The following SYMPK variants were observed in gnomAD, a reference collection of about 807,000 sequenced individuals.
SYMPK encodes symplekin scaffold protein, also known as symplekin.
In SYMPK, 49 loss-of-function variants were observed where a neutral mutation model predicts 136.4. That is an observed-to-expected ratio of 0.36 (90% confidence interval 0.29 to 0.46). The LOEUF (loss-of-function observed/expected upper bound fraction) is 0.46. Ranked by LOEUF, SYMPK falls within the 20% of genes least tolerant of loss-of-function variation. The pLI is 1.00. For synonymous variants in SYMPK, 766 were observed against 713.0 expected, an observed-to-expected ratio of 1.07 and a Z score of -1.19; for missense variants, 1,365 against 1,690.0, an observed-to-expected ratio of 0.81 and a Z score of 3.37.
chr19:45,817,036 A>G, intron 23 of SYMPK, 62 bp from the exon 24 acceptor site: 1 of 1,501,428 alleles, frequency 6.7e-7, no homozygotes, highest in Non-Finnish European at 9.0e-7. Flanking sequence ...GAGCCTTGAC[A>G]CTGGGAGAAA....
Position 45,826,314 on chromosome 19 carries a change from C to T in SYMPK, c.2241G>A (p.Glu747=). The T allele has an allele frequency of 1.2e-6, 2 of 1,614,130 alleles. No individual in the cohort carries two copies. Among genetic ancestry groups the T allele is most frequent in the South Asian group, 1.1e-5 (1 of 91,056 alleles). The change falls in exon 17 of 27, where the codon GAG becomes GAA. Residue 747 remains glutamate, a synonymous_variant. Coordinates refer to ENST00000245934, the MANE Select transcript of SYMPK (RefSeq NM_004819.3). ...KRMYEKEQLR[E]YVEKFALNYL... ...AGTTGAGGGCAAATTTCTCCACATA[C>T]TCCCGCAGCTGCTCCTTCTCATACA...
chr19:45,854,621 C>G (rs1971778203), intron 1 of SYMPK, 114 bp from the exon 2 acceptor site: 2 of 813,878 alleles, frequency 2.5e-6, no homozygotes, highest in Admixed American at 4.2e-5. Context: ...CAGGCTGTTC[C>G]TCCCCAGTCA....
chr19:45,818,224 C>T, intron 22 of SYMPK, 78 bp from the exon 23 acceptor site: 1 of 1,413,804 alleles, frequency 7.1e-7, no homozygotes, highest in African/African-American at 1.4e-5. Context: ...CCTCTGCTGT[C>T]TGCCCATGTG....
rs1568605965 is a variant in SYMPK, at chr19:45,817,417, C to CTCTTTTTTTTTTTTTTTT, written c.3082-444_3082-443insAAAAAAAAAAAAAAAAGA. Among the ~76,000 whole-genome samples the CTCTTTTTTTTTTTTTTTT allele has an allele frequency of 7.7e-4, 84 of 108,476 alleles. 2 individuals are homozygous for CTCTTTTTTTTTTTTTTTT. Among genetic ancestry groups the CTCTTTTTTTTTTTTTTTT allele is most frequent in the Middle Eastern group, 5.3e-3 (1 of 188 alleles). 71.2% of individuals were successfully genotyped at this position (108,476 alleles called of 152,430 possible). A position where few individuals can be genotyped will look rare whatever the true frequency, so the allele number is the denominator to read the frequency against. ...CTGCGGGGTTTGGTTTTTTTGTTCT[C>CTCTTTTTTTTTTTTTTTT]TTTTTTTTTTTTTTTTTTTTTTTTT... On this transcript the variant is annotated intron_variant, in intron 23 of 26. Transcript: ENST00000245934.
chr19:45,823,286 A>G, intron 20 of SYMPK, 86 bp downstream of exon 20: 1 of 1,375,938 alleles, frequency 7.3e-7, no homozygotes, highest in Non-Finnish European at 1.0e-6. Context: ...CTCTGGCTCA[A>G]CTGCTGCTGA....
At chr19:45,858,181 C>G (rs184560051) in intron 1 of SYMPK, among the ~76,000 whole-genome samples, 1 of 152,148 alleles carries the variant, frequency 6.6e-6, no homozygotes, top group Non-Finnish European at 1.5e-5. Context: ...CAATGAATGA[C>G]GAGCCACAGC....
intron 3 of SYMPK, 66 bp from the exon 4 acceptor site, chr19:45,852,601 C>T: frequency 6.3e-7 from 1 of 1,586,418 alleles, no homozygotes; most frequent in Non-Finnish European, 8.7e-7. Flanking sequence ...TCAATGCAGA[C>T]AGGAGAGTAG....
rs749888027 is a variant in SYMPK, at chr19:45,842,408, T to A, written c.929A>T (p.Lys310Met). 1 of 1,614,184 alleles carries A rather than the reference T, an allele frequency of 6.2e-7. No individual in the cohort carries two copies. Among genetic ancestry groups the A allele is most frequent in the Non-Finnish European group, 8.5e-7 (1 of 1,180,044 alleles). The change falls in exon 9 of 27, where the codon AAG becomes ATG. Residue 310 changes from lysine (K) to methionine (M), a missense_variant. By Grantham distance (95) the Lys-to-Met change is moderately conservative (BLOSUM62 -1). This residue lies in a region of SYMPK where 111 missense variants were observed against 141.2 expected (regional missense o/e 0.79). Transcript: ENST00000245934. ...NLKLHLLSVLKHPASLEFQAQ... is the reference protein window; with the variant it reads ...NLKLHLLSVLMHPASLEFQAQ... ...CTGGAACTCCAAGGAAGCCGGGTGC[T>A]TCAGCACACTCAACAGGTGCAGCTT...
intron 15 of SYMPK, 82 bp from the exon 16 acceptor site, chr19:45,827,705 G>C: frequency 6.6e-7 from 1 of 1,507,742 alleles, no homozygotes; most frequent in Non-Finnish European, 9.2e-7. Context: ...CCTCTGATCA[G>C]GTACCTGGAC....
chr19:45,831,488 T>A lies in SYMPK; in HGVS notation c.1494A>T (p.Gln498His). Residue 498 changes from glutamine to histidine, a missense_variant, in exon 12 of 27, where the codon CAA becomes CAT. Gln to His is a conservative substitution (Grantham distance 24, BLOSUM62 0). Around this residue, in one of 11 missense-constraint regions of SYMPK, gnomAD observed 46 missense variants for 63.9 expected, o/e 0.72. Coordinates refer to ENST00000245934, the MANE Select transcript of SYMPK (RefSeq NM_004819.3). ...TCAGGGAACCCACCACCGAGATGGCTTGGCCCTGGGCTGACAGGCGCCGCT... is the reference window on the plus strand; with the variant it reads ...TCAGGGAACCCACCACCGAGATGGCATGGCCCTGGGCTGACAGGCGCCGCT... ...LIKRRLSAQG[Q>H]AISVVGSLSS... 1 of 1,610,898 alleles carries A rather than the reference T, an allele frequency of 6.2e-7. No individual in the cohort carries two copies. Among genetic ancestry groups the A allele is most frequent in the Non-Finnish European group, 8.5e-7 (1 of 1,178,918 alleles).
At chr19:45,840,210 G>A (rs1971401503) in intron 9 of SYMPK, among the ~76,000 whole-genome samples, 1 of 151,470 alleles carries the variant, frequency 6.6e-6, no homozygotes, top group Non-Finnish European at 1.5e-5. Flanking sequence ...AGCTACTCGG[G>A]AGGCTGAGGA....
At chr19:45,822,712 G>A (rs1462557371) in intron 21 of SYMPK, 44 bp downstream of exon 21, 2 of 1,561,966 alleles carry the variant, frequency 1.3e-6, no homozygotes, top group African/African-American at 2.7e-5. Flanking sequence ...CCCAGCACCT[G>A]GGGTGGGTGG....
In SYMPK at chr19:45,830,354, C is replaced by T. The variant is rs1369304178; in HGVS notation, c.1599-150G>A. On this transcript the variant is annotated intron_variant, in intron 12 of 26. Transcript: ENST00000245934. Reference sequence around the variant, plus strand: ...CCAGTTCCTCTGTGTCTCTGAGGCACGGTGTGGCGGTGGGTAAGAGGAAGG... The same window carrying T: ...CCAGTTCCTCTGTGTCTCTGAGGCATGGTGTGGCGGTGGGTAAGAGGAAGG... 71 of 864,586 alleles carry T rather than the reference C, an allele frequency of 8.2e-5. No individual in the cohort carries two copies. The South Asian group carries it at 1.0e-3, about 12-fold the overall frequency. 53.6% of individuals were successfully genotyped at this position (864,586 alleles called of 1,614,324 possible).
Position 45,816,041 on chromosome 19 carries a change from G to A in SYMPK, c.3497C>T (p.Ala1166Val), listed in dbSNP as rs1426183839. The change falls in exon 26 of 27, where the codon GCC becomes GTC. Residue 1166 changes from alanine (A) to valine (V), a missense_variant. By Grantham distance (64) the Ala-to-Val change is moderately conservative. Coordinates refer to ENST00000245934, the MANE Select transcript of SYMPK (RefSeq NM_004819.3). ...GGGAGAGGGGGAGGAAGAGGAGGGG[G>A]CTCCCACTCCTCCCGGCTTCAGCTT... is the stretch of plus-strand genomic sequence containing the variant. ...EQKLKPGGVG[A>V]PSSSSPSPSP... The A allele has an allele frequency of 1.0e-5, 16 of 1,576,074 alleles. No individual in the cohort carries two copies. The highest frequency in any genetic ancestry group is 1.8e-5 in the Admixed American group (1 of 54,452).
chr19:45,842,661 C>T (rs577238243), intron 8 of SYMPK, 172 bp from the exon 9 acceptor site: 4 of 796,452 alleles, frequency 5.0e-6, no homozygotes, highest in African/African-American at 1.7e-5. Context: ...TGCTTCAAAC[C>T]CTGGGGGTCT....
In SYMPK at chr19:45,815,890, G is replaced by T. The variant is rs760636520; in HGVS notation, c.3648C>A (p.Ala1216=). The change falls in exon 26 of 27, where the codon GCC becomes GCA. Residue 1216 remains alanine (A), a synonymous_variant. Transcript: ENST00000245934. ...CCTCGAGACTAGAGTCCAACAGCGC[G>T]GCCTCGGTCAGCCCCGAGTCGTCAT... The part of the protein sequence containing the change: ...SMDDDSGLTE[A]ALLDSSLEGP... 1 of 1,611,826 alleles carries T rather than the reference G, an allele frequency of 6.2e-7. No individual in the cohort carries two copies. The highest frequency in any genetic ancestry group is 8.5e-7 in the Non-Finnish European group (1 of 1,179,738).
rs559835315 is a variant in SYMPK, at chr19:45,843,973, A to G, written c.847+57T>C. The G allele has an allele frequency of 2.7e-4, 215 of 802,138 alleles. No individual in the cohort carries two copies. The African/African-American group carries it at 3.9e-3, about 15-fold the overall frequency. 49.7% of individuals were successfully genotyped at this position (802,138 alleles called of 1,614,324 possible). On this transcript the variant is annotated intron_variant, in intron 8 of 26. Transcript: ENST00000245934. ...AAAAAAAAAAAAAAAAAAAAAAAGA[A>G]AGAGCAGACTGGCCAGTGAAGAGAA... is the stretch of plus-strand genomic sequence containing the variant.
chr19:45,835,163 G>C lies in SYMPK; in HGVS notation c.1308C>G (p.Pro436=). Residue 436 remains proline (P), a synonymous_variant, in exon 11 of 27, where the codon CCC becomes CCG. Transcript: ENST00000245934. The part of the protein sequence containing the change: ...MPASFQAIYT[P]VESAGTEAQI... ...GGGCTTCCGTGCCTGCTGACTCCAC[G>C]GGGGTGTAGATGGCCTGGAAGGAGG... is the stretch of plus-strand genomic sequence containing the variant. 6.2e-7 allele frequency: 1 copy of C among 1,613,372 alleles called. No homozygotes were observed. Among genetic ancestry groups the C allele is most frequent in the Non-Finnish European group, 8.5e-7 (1 of 1,179,618 alleles).
At chr19:45,833,324 G>A (rs926352044) in intron 11 of SYMPK, among the ~76,000 whole-genome samples, 6 of 152,316 alleles carry the variant, frequency 3.9e-5, no homozygotes, top group South Asian at 2.1e-4. Flanking sequence ...AACTAGGGCC[G>A]GGCGCGGTGG....
Sources: allele counts gnomAD v4.1 joint callset (sites outside exome capture counted in the v4.1 genomes callset), GRCh38; gene constraint gnomAD v4.1.1; regional missense constraint gnomAD v4.1.1; transcripts MANE v1.5; gene names NCBI Gene and HGNC (gene_info 2026-07-23, HGNC 2026-07-21).